DACH2: variants seen among roughly 807,000 people sequenced by gnomAD.
The protein encoded by DACH2 is dachshund homolog 2.
DACH2 carries 17 observed loss-of-function variants against 35.8 expected under a neutral mutation model. That is an observed-to-expected ratio of 0.48 (90% CI 0.33 to 0.71). DACH2 has a LOEUF of 0.71. Among genes scored for constraint, DACH2 ranks in the 30% least tolerant of loss-of-function variants. DACH2 has a pLI of 0.02. For synonymous variants in DACH2, 195 were observed against 177.3 expected (o/e 1.10, Z -0.79); for missense variants, 469 against 472.7 (o/e 0.99, Z 0.07).
intron 5 of DACH2, among the ~76,000 whole-genome samples, chrX:86,709,122 G>T (rs951600431): frequency 9.0e-6 from 1 of 111,509 alleles, no homozygotes; most frequent in Admixed American, 9.6e-5. Flanking sequence ...AAAAAATGTA[G>T]TGGACTGACA....
intron 3 of DACH2, among the ~76,000 whole-genome samples, chrX:86,589,826 T>C (rs977736802): frequency 8.9e-6 from 1 of 111,836 alleles, no homozygotes; most frequent in Admixed American, 9.6e-5. Context: ...CTTAGCAATA[T>C]GCACTTAAGG....
At position 86,426,774 on chromosome X, in the gene DACH2, A is replaced by G. The variant is rs926385303; in HGVS notation, c.527+49912A>G. 2.7e-5 allele frequency among the ~76,000 whole-genome samples: 3 copies of G among 111,507 alleles called. No individual in the cohort carries two copies. In the Admixed American group the frequency reaches 2.9e-4, roughly 11 times the overall value. On this transcript the variant is annotated intron_variant, in intron 2 of 11. Transcript: ENST00000373125. The stretch of plus-strand genomic sequence containing the variant: ...AAGAGGCAAGTTATAGAATCTCCCA[A>G]GATAGTCTGCATTTTGAGTATTTCC...
chrX:86,769,887 C>T (rs1002803190), intron 7 of DACH2, among the ~76,000 whole-genome samples: 11 of 109,454 alleles, frequency 1.0e-4, no homozygotes, highest in South Asian at 3.9e-4. Flanking sequence ...ATAGGCCAGG[C>T]GTGGTGGCTC....
rs2037203964 is a variant in DACH2 at position 86,443,389 on chromosome X, A to T, written c.527+66527A>T. On this transcript the variant is annotated intron_variant, in intron 2 of 11. Transcript: ENST00000373125. ...AATTTTGTATTCTGCAACTTTGCTG[A>T]AATCATTTATTAGTTTGAATAGTTT... Among the ~76,000 whole-genome samples, 4 of 111,777 alleles carry T rather than the reference A, an allele frequency of 3.6e-5. No individual in the cohort carries two copies. The South Asian group carries it at 1.5e-3, about 41-fold the overall frequency.
chrX:86,461,401 G>T (rs1156233863), intron 2 of DACH2, among the ~76,000 whole-genome samples: 1 of 111,066 alleles, frequency 9.0e-6, no homozygotes, highest in East Asian at 2.8e-4. Context: ...GTTGTATTGG[G>T]GGGTGGATTC....
At chrX:86,296,870 C>T (rs924073776) in intron 1 of DACH2, among the ~76,000 whole-genome samples, 1 of 109,862 alleles carries the variant, frequency 9.1e-6, no homozygotes, top group Admixed American at 9.8e-5. Flanking sequence ...AAATAATACA[C>T]ATGACTGGTA....
At chrX:86,472,696 T>A (rs1453191947) in intron 2 of DACH2, among the ~76,000 whole-genome samples, 1 of 112,085 alleles carries the variant, frequency 8.9e-6, no homozygotes, top group Non-Finnish European at 1.9e-5. Flanking sequence ...CCCTAAGGAT[T>A]GTTTTTCTGA....
chrX:86,535,580 T>TAAGATACC (rs2038786179), intron 3 of DACH2, among the ~76,000 whole-genome samples: 1 of 110,970 alleles, frequency 9.0e-6, no homozygotes, highest in Admixed American at 9.7e-5. Context: ...ACTGTAGCAA[T>TAAGATACC]AAGATACCAA....
intron 7 of DACH2, among the ~76,000 whole-genome samples, chrX:86,765,483 T>C (rs1038165598): frequency 2.7e-5 from 3 of 110,798 alleles, no homozygotes. Context: ...ATTTATTGAA[T>C]AGGGAGTATT....
At chrX:86,399,796 C>T (rs1016466611) in intron 2 of DACH2, among the ~76,000 whole-genome samples, 1 of 111,702 alleles carries the variant, frequency 9.0e-6, no homozygotes, top group African/African-American at 3.3e-5. Flanking sequence ...AGACCTTTCT[C>T]TCTGGCTGCC....
intron 1 of DACH2, among the ~76,000 whole-genome samples, chrX:86,235,655 G>A (rs1220403589): frequency 8.9e-6 from 1 of 111,964 alleles, no homozygotes; most frequent in Non-Finnish European, 1.9e-5. Flanking sequence ...TTTGTTTCAT[G>A]CACAAAATTA....
intron 4 of DACH2, among the ~76,000 whole-genome samples, chrX:86,674,601 A>G (rs917018984): frequency 1.8e-5 from 2 of 112,223 alleles, no homozygotes; most frequent in Non-Finnish European, 3.7e-5. Flanking sequence ...TCAGATAAGC[A>G]ATGTCAGTGT....
chrX:86,633,146 A>G (rs893357800), intron 3 of DACH2, among the ~76,000 whole-genome samples: 1 of 111,524 alleles, frequency 9.0e-6, no homozygotes, highest in Non-Finnish European at 1.9e-5. Context: ...CCAAAAAAAT[A>G]CAAATGATAA....
chrX:86,825,808 A>G (rs1267568207), intron 11 of DACH2, among the ~76,000 whole-genome samples: 2 of 111,962 alleles, frequency 1.8e-5, no homozygotes. Flanking sequence ...TGAGAGGCAC[A>G]ATGAAGTGGC....
chrX:86,472,383 T>A (rs68072909), intron 2 of DACH2, among the ~76,000 whole-genome samples: 4,136 of 111,430 alleles, frequency 0.037, 84 homozygotes, highest in East Asian at 0.21. Flanking sequence ...AAATGGATTA[T>A]CCCCAAGAGC....
intron 11 of DACH2, among the ~76,000 whole-genome samples, chrX:86,823,387 T>C (rs192520297): frequency 1.8e-5 from 2 of 112,431 alleles, no homozygotes; most frequent in Non-Finnish European, 3.8e-5. Flanking sequence ...CTTTTGGATT[T>C]TATACACAAC....
intron 7 of DACH2, among the ~76,000 whole-genome samples, chrX:86,755,050 A>G (rs1342057820): frequency 3.6e-5 from 4 of 111,878 alleles, no homozygotes; most frequent in Non-Finnish European, 3.8e-5. Flanking sequence ...CACTAACAGT[A>G]TATGAGTTCC....
intron 2 of DACH2, among the ~76,000 whole-genome samples, chrX:86,424,477 A>T (rs1246109747): frequency 9.1e-6 from 1 of 110,464 alleles, no homozygotes; most frequent in Non-Finnish European, 1.9e-5. Flanking sequence ...TTTTTTTCAC[A>T]TTGTTCACTG....
chrX:86,582,731 A>T (rs1213635723), intron 3 of DACH2, among the ~76,000 whole-genome samples: 1 of 110,341 alleles, frequency 9.1e-6, no homozygotes, highest in African/African-American at 3.3e-5. Flanking sequence ...AAGCCTACCA[A>T]CCGGAAGAAG....
Sources: gnomAD v4.1 joint callset for allele counts (sites outside exome capture counted in the v4.1 genomes callset) on GRCh38, gnomAD v4.1.1 for gene constraint, MANE v1.5 for transcripts, NCBI Gene and HGNC (gene_info 2026-07-23, HGNC 2026-07-21) for gene names.